Variants in IKBIP observed in about 807,000 individuals in gnomAD.
IKBIP encodes inhibitor of nuclear factor kappa-B kinase-interacting protein.
IKBIP carries 28 observed loss-of-function variants against 31.0 expected under a neutral mutation model. The observed-to-expected ratio is 0.90, with a 90% CI of 0.67 to 1.24. IKBIP has a LOEUF of 1.24. IKBIP is among the 50% of genes most tolerant of loss of function. The pLI is 0.00. For missense variants in IKBIP, 453 were observed against 441.9 expected, an observed-to-expected ratio of 1.03 and a Z score of -0.23; for synonymous variants, 164 against 160.3, an observed-to-expected ratio of 1.02 and a Z score of -0.17.
chr12:98,624,271 AC>A lies in IKBIP; in HGVS notation c.*1658del, dbSNP rs1302953524. On this transcript the variant is annotated 3_prime_UTR_variant, in exon 3 of 3. Transcript: ENST00000299157. Reference sequence around the variant, plus strand: ...AGCTTACTTTATAATCTATTTTATTACCATTAATATAAAAGTAAACAAATAG... The same window carrying A: ...AGCTTACTTTATAATCTATTTTATTACATTAATATAAAAGTAAACAAATAG... 10 of 969,820 alleles carry A rather than the reference AC, an allele frequency of 1.0e-5. No homozygotes were observed. The highest frequency in any genetic ancestry group is 1.2e-5 in the Non-Finnish European group (10 of 815,816). 60.1% of individuals were successfully genotyped at this position (969,820 alleles called of 1,614,324 possible). A position where few individuals can be genotyped will look rare whatever the true frequency, so the allele number is the denominator to read the frequency against.
intron 2 of IKBIP, among the ~76,000 whole-genome samples, chr12:98,630,674 A>C (rs2097619283): frequency 6.6e-6 from 1 of 152,168 alleles, no homozygotes; most frequent in African/African-American, 2.4e-5. Flanking sequence ...TTGAGGACTT[A>C]CTGTATATCT....
rs550056812 is a variant in IKBIP, at chr12:98,637,167, TTAG to T, written c.180-2757_180-2755del. 1.5e-4 allele frequency among the ~76,000 whole-genome samples: 23 copies of T among 152,260 alleles called. No homozygotes were observed. In the East Asian group the frequency reaches 3.9e-3, roughly 26 times the overall value. ...TTAGTGGAAATATCATCTCTGATAA[TTAG>T]TAGTTTTTTTTGATTAGCCTCTTAC... On this transcript the variant is annotated intron_variant, in intron 1 of 2. Transcript: ENST00000299157.
chr12:98,635,932 G>A (rs1481430915), intron 1 of IKBIP, among the ~76,000 whole-genome samples: 3 of 152,178 alleles, frequency 2.0e-5, no homozygotes, highest in African/African-American at 4.8e-5. Context: ...CTCTAAAATT[G>A]GAGTTTATTC....
intron 2 of IKBIP, among the ~76,000 whole-genome samples, chr12:98,627,047 C>A (rs2097615183): frequency 6.6e-6 from 1 of 152,136 alleles, no homozygotes; most frequent in African/African-American, 2.4e-5. Flanking sequence ...CAGCTCACTG[C>A]AACCTCCGCC....
At chr12:98,619,873 GAAAAAAA>G (rs562387976), downstream of IKBIP, among the ~76,000 whole-genome samples, 6 of 68,992 alleles carry the variant, frequency 8.7e-5, no homozygotes, top group East Asian at 2.2e-3. Context: ...CCCTTTCTCA[GAAAAAAA>G]AAAAAAAAAA....
intron 1 of IKBIP, among the ~76,000 whole-genome samples, chr12:98,641,791 G>C (rs890483684): frequency 2.6e-3 from 96 of 36,998 alleles, no homozygotes; most frequent in African/African-American, 0.021. Flanking sequence ...AAGTACCTGG[G>C]ACTACAGCGA....
Position 98,625,703 on chromosome 12 carries a change from T to C in IKBIP, c.*227A>G. On this transcript the variant is annotated 3_prime_UTR_variant, in exon 3 of 3. Transcript: ENST00000299157. ...AATATTAAGTATCTTGTTTTAAAAG[T>C]AGAGAAATATTTTTAAAGAACTATT... The C allele has an allele frequency of 3.7e-6, 1 of 268,242 alleles. No individual in the cohort carries two copies. The highest frequency in any genetic ancestry group is 7.0e-5 in the East Asian group (1 of 14,238). The allele number at this position is 268,242 out of a possible 1,614,324, so 16.6% of individuals were successfully genotyped here.
rs2097613515 is a variant in IKBIP at position 98,625,627 on chromosome 12, T to C, written c.*303A>G. 5.9e-6 allele frequency: 1 copy of C among 168,648 alleles called. No homozygotes were observed. The highest frequency in any genetic ancestry group is 2.4e-5 in the African/African-American group (1 of 42,314). The allele number at this position is 168,648 out of a possible 1,614,324, so 10.4% of individuals were successfully genotyped here. On this transcript the variant is annotated 3_prime_UTR_variant, in exon 3 of 3. Coordinates refer to ENST00000299157, the MANE Select transcript of IKBIP (RefSeq NM_153687.4). The stretch of plus-strand genomic sequence containing the variant: ...GACATCAATATATGTGGGTACAATA[T>C]AATAGGTGAAATTAATGATGATGTT...
downstream of IKBIP, among the ~76,000 whole-genome samples, chr12:98,621,361 T>C (rs988425938): frequency 2.0e-5 from 3 of 152,262 alleles, no homozygotes; most frequent in African/African-American, 7.2e-5. Context: ...TCTTCAGCAC[T>C]GCTTTTTCCT....
chr12:98,624,420 G>C lies in IKBIP; in HGVS notation c.*1510C>G. ...CTCCAGGCTTATTTTCATGATTCAC[G>C]CTGTCTACCACAGGCCCTCCTAACT... On this transcript the variant is annotated 3_prime_UTR_variant, in exon 3 of 3. Transcript: ENST00000299157. 2.0e-6 allele frequency: 2 copies of C among 985,152 alleles called. No homozygotes were observed. Among genetic ancestry groups the C allele is most frequent in the Non-Finnish European group, 2.4e-6 (2 of 829,758 alleles). The allele number at this position is 985,152 out of a possible 1,614,324, so 61.0% of individuals were successfully genotyped here.
Position 98,634,291 on chromosome 12 carries a change from ATTACCTTTTCTGAAATTAAACTGATT to A in IKBIP, c.276_297+4del. 7.3e-7 allele frequency: 1 copy of A among 1,374,076 alleles called. No homozygotes were observed. Among genetic ancestry groups the A allele is most frequent in the Non-Finnish European group, 1.0e-6 (1 of 964,082 alleles). The allele number at this position is 1,374,076 out of a possible 1,614,324, so 85.1% of individuals were successfully genotyped here. A position where few individuals can be genotyped will look rare whatever the true frequency, so the allele number is the denominator to read the frequency against. On this transcript the variant is annotated splice_donor_variant and splice_donor_region_variant and coding_sequence_variant and intron_variant, in exon 2 of 3. Coordinates refer to ENST00000299157, the MANE Select transcript of IKBIP (RefSeq NM_153687.4). LOFTEE classifies it high-confidence loss of function. ...ACCGTCCCAGATAAGCCAATTAATGATTACCTTTTCTGAAATTAAACTGATTTTACTTTGAAGTTGTTGGAATTCAT... is the reference window on the plus strand; with the variant it reads ...ACCGTCCCAGATAAGCCAATTAATGATTACTTTGAAGTTGTTGGAATTCAT...
At position 98,624,360 on chromosome 12, in the gene IKBIP, C is replaced by CA. The variant is rs2097612345; in HGVS notation, c.*1569dup. On this transcript the variant is annotated 3_prime_UTR_variant, in exon 3 of 3. Transcript: ENST00000299157. ...GTCAAGAAGTGTAATTTTAAGACTG[C>CA]AAAAATTAATGCTATGCCCCTTAAT... is the stretch of plus-strand genomic sequence containing the variant. 2 of 985,004 alleles carry CA rather than the reference C, an allele frequency of 2.0e-6. No homozygotes were observed. Among genetic ancestry groups the CA allele is most frequent in the Non-Finnish European group, 1.2e-6 (1 of 829,706 alleles). The allele number at this position is 985,004 out of a possible 1,614,324, so 61.0% of individuals were successfully genotyped here. A position where few individuals can be genotyped will look rare whatever the true frequency, so the allele number is the denominator to read the frequency against.
chr12:98,643,764 C>T (rs1026250097), intron 1 of IKBIP, among the ~76,000 whole-genome samples: 3 of 151,914 alleles, frequency 2.0e-5, no homozygotes, highest in African/African-American at 7.2e-5. Flanking sequence ...AGCACTCCTC[C>T]AAGCTCTGCT....
chr12:98,644,381 C>T (rs899062948), intron 1 of IKBIP, 142 bp downstream of exon 1: 8 of 764,422 alleles, frequency 1.0e-5, no homozygotes, highest in African/African-American at 9.2e-5. Context: ...GGGCTGTTTC[C>T]TTCCTTTGGG....
chr12:98,638,339 G>A (rs1446810100), intron 1 of IKBIP, among the ~76,000 whole-genome samples: 2 of 152,190 alleles, frequency 1.3e-5, no homozygotes, highest in Admixed American at 6.5e-5. Flanking sequence ...CCAGGCTGGA[G>A]TGCAGTGGTG....
intron 1 of IKBIP, among the ~76,000 whole-genome samples, chr12:98,640,566 T>C (rs986490522): frequency 6.6e-6 from 1 of 152,220 alleles, no homozygotes; most frequent in Non-Finnish European, 1.5e-5. Flanking sequence ...TCTATGTAAT[T>C]AAATAAGCAT....
chr12:98,616,947 T>C (rs1156917740), intron 2 of IKBIP, among the ~76,000 whole-genome samples: 2 of 152,234 alleles, frequency 1.3e-5, no homozygotes, highest in Non-Finnish European at 2.9e-5. Context: ...TGCTCAAGAT[T>C]GCTTTGGCTA....
At chr12:98,632,512 A>AATATATATATATATATAT (rs71436924) in intron 2 of IKBIP, among the ~76,000 whole-genome samples, 8 of 22,794 alleles carry the variant, frequency 3.5e-4, no homozygotes, top group East Asian at 4.2e-3. Flanking sequence ...AAAAAAAAAA[A>AATATATATATATATATAT]ATATATATAT....
At chr12:98,637,023 A>G (rs1431396281) in intron 1 of IKBIP, among the ~76,000 whole-genome samples, 1 of 152,198 alleles carries the variant, frequency 6.6e-6, no homozygotes, top group African/African-American at 2.4e-5. Context: ...GTTTATTCAG[A>G]ATGAAATCAT....
Sources: gnomAD v4.1 joint callset for allele counts (sites outside exome capture counted in the v4.1 genomes callset) on GRCh38, gnomAD v4.1.1 for gene constraint, MANE v1.5 for transcripts, NCBI Gene and HGNC (gene_info 2026-07-23, HGNC 2026-07-21) for gene names.